The following CSMD1 variants were observed in gnomAD, a reference collection of about 807,000 sequenced individuals.
CSMD1 encodes the protein CUB and sushi domain-containing protein 1.
A neutral mutation model predicts 417.5 loss-of-function variants in CSMD1; 213 were observed. The ratio of observed to expected loss-of-function variants is 0.51; its 90% CI spans 0.46 to 0.57. The LOEUF (loss-of-function observed/expected upper bound fraction) is 0.57. CSMD1 is among the 20% of genes least tolerant of loss of function. CSMD1 has a pLI of 0.00. For missense variants in CSMD1, 6,923 were observed against 4,529.7 expected (o/e 1.53, Z -15.17); for synonymous variants, 2,862 against 1,736.8 (o/e 1.65, Z -16.11).
At chr8:3,782,281 C>G (rs1292635027) in intron 5 of CSMD1, among the ~76,000 whole-genome samples, 1 of 152,130 alleles carries the variant, frequency 6.6e-6, no homozygotes, top group Non-Finnish European at 1.5e-5. Flanking sequence ...TACTCATTGA[C>G]TTGCTTATAT....
Position 3,236,858 on chromosome 8 carries a change from C to T in CSMD1, c.4154-6627G>A, listed in dbSNP as rs1014584660. On this transcript the variant is annotated intron_variant, in intron 26 of 69. Coordinates refer to ENST00000635120, the MANE Select transcript of CSMD1 (RefSeq NM_033225.6). ...CCTCAACGACCCTAGAAAAAGGCAG[C>T]GCTGTTCCTGAGATTATGAGTGCCC... Among the ~76,000 whole-genome samples the T allele has an allele frequency of 1.1e-3, 163 of 152,266 alleles. 2 individuals are homozygous for T. Among genetic ancestry groups the T allele is most frequent in the Admixed American group, 8.6e-3 (132 of 15,292 alleles).
chr8:4,732,736 G>C (rs190008529), intron 1 of CSMD1, among the ~76,000 whole-genome samples: 3 of 152,194 alleles, frequency 2.0e-5, no homozygotes, highest in South Asian at 2.1e-4. Context: ...TTTAACCCTT[G>C]GCTTGATAAA....
chr8:4,830,626 C>T (rs1312662818), intron 1 of CSMD1, among the ~76,000 whole-genome samples: 1 of 152,158 alleles, frequency 6.6e-6, no homozygotes, highest in Non-Finnish European at 1.5e-5. Flanking sequence ...ATGACTTGAT[C>T]GTGGTAGTTT....
In CSMD1 at chr8:3,350,077, TATA is replaced by T. The variant is rs565521271; in HGVS notation, c.3305-1919_3305-1917del. Reference sequence around the variant, plus strand: ...TATAATAACTTGTGTATGTGTGTGTTATAATACCTATAATAACCTATAATAACT... The same window carrying T: ...TATAATAACTTGTGTATGTGTGTGTTATACCTATAATAACCTATAATAACT... On this transcript the variant is annotated intron_variant, in intron 21 of 69. Transcript: ENST00000635120. 9.6e-3 allele frequency among the ~76,000 whole-genome samples: 1,350 copies of T among 140,060 alleles called. 33 individuals carry two copies. Among genetic ancestry groups the T allele is most frequent in the African/African-American group, 0.035 (1,280 of 36,450 alleles). 91.9% of individuals were successfully genotyped at this position (140,060 alleles called of 152,430 possible). A position where few individuals can be genotyped will look rare whatever the true frequency, so the allele number is the denominator to read the frequency against.
intron 3 of CSMD1, among the ~76,000 whole-genome samples, chr8:4,303,713 T>G (rs1798105156): frequency 6.6e-6 from 1 of 152,004 alleles, no homozygotes; most frequent in Non-Finnish European, 1.5e-5. Context: ...TGGAGCTCAC[T>G]GTCATTATCT....
At chr8:3,472,236 G>C (rs1470501590) in intron 11 of CSMD1, among the ~76,000 whole-genome samples, 1 of 152,000 alleles carries the variant, frequency 6.6e-6, no homozygotes, top group Non-Finnish European at 1.5e-5. Flanking sequence ...GAAATCACTG[G>C]TCATACCTTG....
chr8:4,890,432 C>T (rs1024640320), intron 1 of CSMD1, among the ~76,000 whole-genome samples: 2 of 151,864 alleles, frequency 1.3e-5, no homozygotes, highest in African/African-American at 4.9e-5. Context: ...CTCCGACACC[C>T]TCCCGCAGGA....
chr8:4,423,696 G>A (rs757247961), intron 2 of CSMD1, among the ~76,000 whole-genome samples: 7 of 151,564 alleles, frequency 4.6e-5, no homozygotes, highest in Non-Finnish European at 1.0e-4. Context: ...TGGGTATATA[G>A]CAAGATCTTT....
chr8:3,567,259 G>A (rs1360211393), intron 10 of CSMD1, among the ~76,000 whole-genome samples: 1 of 151,930 alleles, frequency 6.6e-6, no homozygotes, highest in Non-Finnish European at 1.5e-5. Flanking sequence ...TGGTCACTAG[G>A]AACTACTGGA....
At chr8:3,528,783 C>T (rs1270937604) in intron 10 of CSMD1, among the ~76,000 whole-genome samples, 1 of 152,150 alleles carries the variant, frequency 6.6e-6, no homozygotes, top group Non-Finnish European at 1.5e-5. Context: ...TGAAGGTTGA[C>T]AGACAGAAAA....
At chr8:4,697,771 C>G (rs1280164349) in intron 1 of CSMD1, among the ~76,000 whole-genome samples, 2 of 152,174 alleles carry the variant, frequency 1.3e-5, no homozygotes, top group Non-Finnish European at 2.9e-5. Context: ...TTTGGCATTA[C>G]AAACTGTGAT....
chr8:3,826,221 C>G (rs975939985), intron 5 of CSMD1, among the ~76,000 whole-genome samples: 28 of 152,042 alleles, frequency 1.8e-4, no homozygotes, highest in Admixed American at 2.6e-4. Context: ...GACACAGTTG[C>G]TAGAAAGATG....
chr8:3,175,606 C>G (rs1260651518), intron 37 of CSMD1, among the ~76,000 whole-genome samples: 1 of 151,000 alleles, frequency 6.6e-6, no homozygotes, highest in Non-Finnish European at 1.5e-5. Context: ...CCCTCCCTCC[C>G]TTCCTGAGGT....
At chr8:4,324,546 G>A (rs1483897882) in intron 3 of CSMD1, among the ~76,000 whole-genome samples, 1 of 152,144 alleles carries the variant, frequency 6.6e-6, no homozygotes, top group African/African-American at 2.4e-5. Flanking sequence ...GCATTCTGGT[G>A]GCCAATGCCA....
chr8:3,082,865 A>G (rs1362742140), intron 49 of CSMD1, among the ~76,000 whole-genome samples: 1 of 152,246 alleles, frequency 6.6e-6, no homozygotes, highest in Non-Finnish European at 1.5e-5. Flanking sequence ...CTGTAACTCT[A>G]TCCCTACAGA....
chr8:4,168,767 T>C (rs767285904), intron 3 of CSMD1, among the ~76,000 whole-genome samples: 7 of 152,198 alleles, frequency 4.6e-5, no homozygotes, highest in African/African-American at 9.7e-5. Context: ...TTTATTTCTT[T>C]TCCTTACAAT....
intron 26 of CSMD1, among the ~76,000 whole-genome samples, chr8:3,280,699 T>C (rs1041269278): frequency 1.5e-5 from 2 of 137,834 alleles, no homozygotes; most frequent in South Asian, 4.9e-4. Context: ...TTCAAACTAG[T>C]ACACATGGAA....
intron 26 of CSMD1, among the ~76,000 whole-genome samples, chr8:3,238,667 T>C (rs1799305653): frequency 6.6e-6 from 1 of 152,170 alleles, no homozygotes; most frequent in Admixed American, 6.5e-5. Flanking sequence ...GATACAGTTT[T>C]GTATGAATTG....
At chr8:4,035,736 T>G (rs1797582521) in intron 3 of CSMD1, among the ~76,000 whole-genome samples, 1 of 152,220 alleles carries the variant, frequency 6.6e-6, no homozygotes, top group African/African-American at 2.4e-5. Flanking sequence ...GTCAAATGCT[T>G]AAAAATGAAA....
Sources: gnomAD v4.1 joint callset for allele counts (sites outside exome capture counted in the v4.1 genomes callset) on GRCh38, gnomAD v4.1.1 for gene constraint, MANE v1.5 for transcripts, NCBI Gene and HGNC (gene_info 2026-07-23, HGNC 2026-07-21) for gene names.